DTNBP1: variants seen among roughly 807,000 people sequenced by gnomAD.
The protein encoded by DTNBP1 is dystrobrevin binding protein 1.
Under a neutral mutation model 42.8 loss-of-function variants are expected in DTNBP1, and 35 were observed. That is an observed-to-expected ratio of 0.82 (90% CI 0.63 to 1.09). The LOEUF (loss-of-function observed/expected upper bound fraction) is 1.09, where lower values mean the gene tolerates loss of function less well. Ranked by LOEUF, DTNBP1 falls within the 50% of genes least tolerant of loss-of-function variation. The pLI is 0.00. For synonymous variants in DTNBP1, 171 were observed against 162.2 expected, an observed-to-expected ratio of 1.05 and a Z score of -0.41; for missense variants, 457 against 424.2, an observed-to-expected ratio of 1.08 and a Z score of -0.68.
intron 6 of DTNBP1, among the ~76,000 whole-genome samples, chr6:15,596,051 G>A (rs959694290): frequency 6.6e-5 from 10 of 152,322 alleles, no homozygotes; most frequent in African/African-American, 1.4e-4. Flanking sequence ...TTGGGGGCAC[G>A]TGGGGAAGAG....
At chr6:15,616,744 T>C (rs1758739592) in intron 5 of DTNBP1, among the ~76,000 whole-genome samples, 1 of 152,190 alleles carries the variant, frequency 6.6e-6, no homozygotes, top group Non-Finnish European at 1.5e-5. Context: ...GTAATGCAAA[T>C]TTTTGCCGTT....
intron 5 of DTNBP1, among the ~76,000 whole-genome samples, chr6:15,621,036 T>C (rs1412568362): frequency 6.6e-6 from 1 of 152,248 alleles, no homozygotes; most frequent in Non-Finnish European, 1.5e-5. Flanking sequence ...AATAATTTCA[T>C]TGACCAGTAA....
At chr6:15,659,689 AT>A (rs1761488790) in intron 1 of DTNBP1, among the ~76,000 whole-genome samples, 1 of 151,878 alleles carries the variant, frequency 6.6e-6, no homozygotes, top group Admixed American at 6.6e-5. Context: ...AGTAGCTGGA[AT>A]TACAGACGCA....
intron 6 of DTNBP1, among the ~76,000 whole-genome samples, chr6:15,601,912 A>G (rs1053620925): frequency 6.6e-5 from 10 of 151,692 alleles, no homozygotes; most frequent in South Asian, 4.1e-4. Context: ...AAACTTCCAG[A>G]GAGGAAGGAA....
At chr6:15,546,072 T>TTC (rs1773859254) in intron 7 of DTNBP1, 1 of 436,772 alleles carries the variant, frequency 2.3e-6, no homozygotes, top group Admixed American at 2.6e-5. Flanking sequence ...TCTTTTTTTT[T>TTC]TTTTTTTTTT....
intron 7 of DTNBP1, chr6:15,546,131 T>C (rs1773866787): frequency 5.2e-6 from 2 of 384,924 alleles, no homozygotes; most frequent in Non-Finnish European, 1.0e-5. Context: ...AATGGTGCGA[T>C]CTCGGCTCAC....
At position 15,659,743 on chromosome 6, in the gene DTNBP1, G is replaced by A. The variant is rs572201943; in HGVS notation, c.56+3071C>T. On this transcript the variant is annotated intron_variant, in intron 1 of 9. Coordinates refer to ENST00000344537, the MANE Select transcript of DTNBP1 (RefSeq NM_032122.5). ...AATTTTTGTATTTTTTAGTGGAGAC[G>A]GGGTTTCACCACGTTGGCCAAGCTG... 5.9e-5 allele frequency among the ~76,000 whole-genome samples: 9 copies of A among 151,898 alleles called. 1 individual carries two copies. In the South Asian group the frequency reaches 1.7e-3, roughly 28 times the overall value.
intron 7 of DTNBP1, among the ~76,000 whole-genome samples, chr6:15,555,521 T>C (rs1430510948): frequency 6.6e-6 from 1 of 152,120 alleles, no homozygotes. Flanking sequence ...AAATCCAAGA[T>C]GGGGATGAAA....
At chr6:15,603,261 T>C (rs565790522) in intron 6 of DTNBP1, among the ~76,000 whole-genome samples, 7 of 152,342 alleles carry the variant, frequency 4.6e-5, no homozygotes, top group South Asian at 2.1e-4. Flanking sequence ...GCCTAGTAAA[T>C]GTGATTACAT....
At chr6:15,595,648 C>T (rs1483828396) in intron 6 of DTNBP1, among the ~76,000 whole-genome samples, 2 of 152,078 alleles carry the variant, frequency 1.3e-5, no homozygotes, top group Non-Finnish European at 2.9e-5. Context: ...TTAGGGTGTA[C>T]TCCACCATCT....
intron 6 of DTNBP1, among the ~76,000 whole-genome samples, chr6:15,612,952 C>A (rs1438570491): frequency 6.6e-6 from 1 of 152,152 alleles, no homozygotes; most frequent in African/African-American, 2.4e-5. Flanking sequence ...TTCCTCTTTT[C>A]CCACACCCAC....
At chr6:15,627,257 TC>T in intron 5 of DTNBP1, 85 bp downstream of exon 5, 1 of 1,550,742 alleles carries the variant, frequency 6.4e-7, no homozygotes, top group South Asian at 1.1e-5. Flanking sequence ...TTTCATGTGT[TC>T]CTGAAAAGCT....
intron 7 of DTNBP1, among the ~76,000 whole-genome samples, chr6:15,556,616 T>C (rs1025334194): frequency 6.6e-6 from 1 of 152,204 alleles, no homozygotes; most frequent in Admixed American, 6.5e-5. Context: ...ATGAAGATGC[T>C]GGAGATCAAG....
intron 7 of DTNBP1, among the ~76,000 whole-genome samples, chr6:15,586,963 T>C (rs1359728653): frequency 6.6e-6 from 1 of 152,188 alleles, no homozygotes; most frequent in Admixed American, 6.5e-5. Flanking sequence ...CTTCCTAGAT[T>C]TCTATGCATT....
intron 6 of DTNBP1, among the ~76,000 whole-genome samples, chr6:15,593,951 A>C (rs1308015267): frequency 1.3e-5 from 2 of 152,156 alleles, no homozygotes; most frequent in African/African-American, 4.8e-5. Flanking sequence ...AATACCCCTC[A>C]TGTTCCAAAA....
chr6:15,633,794 T>C (rs563839630), intron 4 of DTNBP1, among the ~76,000 whole-genome samples: 47 of 150,478 alleles, frequency 3.1e-4, no homozygotes, highest in African/African-American at 1.1e-3. Flanking sequence ...CTATAAACAT[T>C]AAAAAAAAAC....
intron 7 of DTNBP1, among the ~76,000 whole-genome samples, chr6:15,567,988 C>T (rs1775172853): frequency 6.6e-6 from 1 of 151,906 alleles, no homozygotes; most frequent in Non-Finnish European, 1.5e-5. Flanking sequence ...ATCATTAAGC[C>T]CTTGATGGGG....
chr6:15,543,798 A>G (rs989476953), intron 7 of DTNBP1, among the ~76,000 whole-genome samples: 1 of 151,726 alleles, frequency 6.6e-6, no homozygotes, highest in Non-Finnish European at 1.5e-5. Context: ...CACCAAAACT[A>G]CTCACCCTGC....
intron 7 of DTNBP1, among the ~76,000 whole-genome samples, chr6:15,591,969 A>T (rs1561979196): frequency 6.6e-6 from 1 of 152,208 alleles, no homozygotes; most frequent in Non-Finnish European, 1.5e-5. Context: ...CAGCCATGAC[A>T]ACACATTGTA....
Sources: allele counts gnomAD v4.1 joint callset (sites outside exome capture counted in the v4.1 genomes callset), GRCh38; gene constraint gnomAD v4.1.1; transcripts MANE v1.5; gene names NCBI Gene and HGNC (gene_info 2026-07-23, HGNC 2026-07-21).